The following TMEM74 variants were observed in gnomAD, a reference collection of about 807,000 sequenced individuals.
TMEM74 encodes the protein transmembrane protein 74.
TMEM74 carries 13 observed loss-of-function variants against 18.1 expected under a neutral mutation model. The observed-to-expected ratio is 0.72, with a 90% CI of 0.47 to 1.14. The LOEUF (loss-of-function observed/expected upper bound fraction) is 1.14. Ranked by LOEUF, TMEM74 falls within the 50% of genes most tolerant of loss-of-function variation. The pLI, the probability that TMEM74 is intolerant of heterozygous loss-of-function variation, is 0.00. For synonymous variants in TMEM74, 159 were observed against 146.6 expected, an observed-to-expected ratio of 1.08 and a Z score of -0.61; for missense variants, 372 against 375.9, an observed-to-expected ratio of 0.99 and a Z score of 0.09.
chr8:108,706,671 G>A (rs1029365884), intron 1 of TMEM74, among the ~76,000 whole-genome samples: 1 of 151,816 alleles, frequency 6.6e-6, no homozygotes, highest in Non-Finnish European at 1.5e-5. Flanking sequence ...TTCATAAGTA[G>A]CTTTAAACAG....
chr8:108,680,009 AG>A (rs1368484180), intron 1 of TMEM74, among the ~76,000 whole-genome samples: 3 of 152,348 alleles, frequency 2.0e-5, no homozygotes, highest in African/African-American at 7.2e-5. Flanking sequence ...ATCTCTGAAT[AG>A]ACCAAAAACA....
intron 1 of TMEM74, among the ~76,000 whole-genome samples, chr8:108,723,224 G>T (rs1359893161): frequency 6.6e-6 from 1 of 152,184 alleles, no homozygotes; most frequent in Non-Finnish European, 1.5e-5. Flanking sequence ...AAATTGCACA[G>T]ATTCACTGCC....
At chr8:108,696,280 A>G (rs989355940) in intron 1 of TMEM74, among the ~76,000 whole-genome samples, 1 of 152,224 alleles carries the variant, frequency 6.6e-6, no homozygotes, top group Non-Finnish European at 1.5e-5. Flanking sequence ...TCTTAATCTA[A>G]ATGAATACCT....
rs560987130 is a variant in TMEM74, at chr8:108,779,263, G to A, written c.*4918C>T. Among the ~76,000 whole-genome samples the A allele has an allele frequency of 1.3e-5, 2 of 152,220 alleles. No homozygotes were observed. The highest frequency in any genetic ancestry group is 3.9e-4 in the East Asian group (2 of 5,172). On this transcript the variant is annotated 3_prime_UTR_variant, in exon 2 of 2. Transcript: ENST00000297459. ...GCAAGAAAAGTAAAATTAACAGCAC[G>A]ATGAGAACCACAGGGTACAAACTCT...
chr8:108,674,545 C>T (rs534785296), intron 1 of TMEM74, among the ~76,000 whole-genome samples: 2 of 152,322 alleles, frequency 1.3e-5, no homozygotes, highest in South Asian at 2.1e-4. Flanking sequence ...AAGATTCAGC[C>T]TCATGTATTA....
Position 108,784,412 on chromosome 8 carries a change from G to A in TMEM74, c.687C>T (p.Asp229=), listed in dbSNP as rs146039167. The A allele has an allele frequency of 1.9e-5, 30 of 1,614,014 alleles. No homozygotes were observed. The African/African-American group carries it at 3.9e-4, about 21-fold the overall frequency. Residue 229 remains aspartate (D), a synonymous_variant, in exon 2 of 2, where the codon GAC becomes GAT. Coordinates refer to ENST00000297459, the MANE Select transcript of TMEM74 (RefSeq NM_153015.3). ...KESARLGAHL[D]RCVIAGLCLL... ...GGCAGAGCCCCGCAATCACACAGCG[G>A]TCCAGGTGAGCCCCCAGCCTCGCAC...
chr8:108,650,954 G>T (rs1162479464), intron 2 of TMEM74, among the ~76,000 whole-genome samples: 1 of 151,988 alleles, frequency 6.6e-6, no homozygotes, highest in Admixed American at 6.6e-5. Context: ...CAGGTGATCT[G>T]CCCACCTCGG....
chr8:108,634,977 C>T (rs762128115), intron 2 of TMEM74, among the ~76,000 whole-genome samples: 30 of 151,892 alleles, frequency 2.0e-4, no homozygotes, highest in Non-Finnish European at 2.8e-4. Flanking sequence ...CTTATTGTCA[C>T]GTAACATTGT....
chr8:108,747,909 C>T lies in TMEM74; in HGVS notation n.119+39567G>A, dbSNP rs565728011. Among the ~76,000 whole-genome samples, 15 of 152,222 alleles carry T rather than the reference C, an allele frequency of 9.9e-5. No homozygotes were observed. The East Asian group carries it at 2.9e-3, about 29-fold the overall frequency. On this transcript the variant is annotated intron_variant and non_coding_transcript_variant, in intron 1 of 3. Coordinates refer to the TMEM74 transcript ENST00000518838. Reference sequence around the variant, plus strand: ...GACATGATCTCATTCCTTTTTATGGCTGCATAGTATTCAATGATGTATATG... The same window carrying T: ...GACATGATCTCATTCCTTTTTATGGTTGCATAGTATTCAATGATGTATATG...
chr8:108,629,217 T>C (rs1812526278), intron 2 of TMEM74, among the ~76,000 whole-genome samples: 1 of 151,946 alleles, frequency 6.6e-6, no homozygotes, highest in African/African-American at 2.4e-5. Flanking sequence ...ATCAATCAAG[T>C]GCAAGAAAGG....
At chr8:108,631,082 T>C (rs1383230771) in intron 2 of TMEM74, among the ~76,000 whole-genome samples, 1 of 152,096 alleles carries the variant, frequency 6.6e-6, no homozygotes, top group Admixed American at 6.6e-5. Context: ...GAAAAGCCAC[T>C]TGGACATGGG....
At chr8:108,699,190 TC>T (rs1284604742) in intron 1 of TMEM74, among the ~76,000 whole-genome samples, 4 of 110,782 alleles carry the variant, frequency 3.6e-5, no homozygotes, top group African/African-American at 1.1e-4. Context: ...CCTTCCTCCC[TC>T]CCTCCCTCCC....
chr8:108,752,396 G>A (rs1200549830), intron 1 of TMEM74, among the ~76,000 whole-genome samples: 3 of 152,004 alleles, frequency 2.0e-5, no homozygotes, highest in African/African-American at 4.8e-5. Flanking sequence ...TAAGCTCTCA[G>A]GAAATATTTA....
intron 1 of TMEM74, among the ~76,000 whole-genome samples, chr8:108,709,797 T>G (rs918534813): frequency 1.3e-5 from 2 of 152,194 alleles, no homozygotes; most frequent in Non-Finnish European, 2.9e-5. Context: ...GATGTGGTGA[T>G]GGTATATTGT....
chr8:108,725,882 T>A (rs983697833), intron 1 of TMEM74, among the ~76,000 whole-genome samples: 1 of 152,186 alleles, frequency 6.6e-6, no homozygotes, highest in African/African-American at 2.4e-5. Context: ...CAAAGGATAA[T>A]GTAACATTTT....
intron 1 of TMEM74, among the ~76,000 whole-genome samples, chr8:108,700,804 G>T (rs1438616767): frequency 6.6e-6 from 1 of 152,132 alleles, no homozygotes; most frequent in Non-Finnish European, 1.5e-5. Context: ...ACTGGCCCAG[G>T]TTTACACAGC....
At chr8:108,724,368 C>A (rs1207845342) in intron 1 of TMEM74, among the ~76,000 whole-genome samples, 1 of 152,034 alleles carries the variant, frequency 6.6e-6, no homozygotes, top group East Asian at 1.9e-4. Flanking sequence ...CAGAACCTCC[C>A]AGAGTGCAGA....
At chr8:108,754,830 G>A (rs992615784) in intron 1 of TMEM74, among the ~76,000 whole-genome samples, 3 of 151,890 alleles carry the variant, frequency 2.0e-5, no homozygotes, top group Non-Finnish European at 2.9e-5. Flanking sequence ...AACCAGGTGA[G>A]CTGACAGTGT....
At chr8:108,683,857 A>T (rs547341541) in intron 1 of TMEM74, among the ~76,000 whole-genome samples, 2 of 152,176 alleles carry the variant, frequency 1.3e-5, no homozygotes, top group South Asian at 4.1e-4. Context: ...GCAATGTTTA[A>T]CTTTCGTTTG....
Sources: gnomAD v4.1 joint callset for allele counts (sites outside exome capture counted in the v4.1 genomes callset) on GRCh38, gnomAD v4.1.1 for gene constraint, MANE v1.5 for transcripts, NCBI Gene and HGNC (gene_info 2026-07-23, HGNC 2026-07-21) for gene names.